Variants in NKIRAS1 observed in about 807,000 individuals in gnomAD.
NKIRAS1 encodes the protein NFKB inhibitor interacting Ras like 1.
In NKIRAS1, 16 loss-of-function variants were observed where a neutral mutation model predicts 19.8. The observed-to-expected ratio is 0.81, with a 90% CI of 0.55 to 1.23. The LOEUF is 1.23. Among genes scored for constraint, NKIRAS1 ranks in the 50% most tolerant of loss-of-function variants. The pLI is 0.00. For missense variants in NKIRAS1, 184 were observed against 220.0 expected, an observed-to-expected ratio of 0.84 and a Z score of 1.04; for synonymous variants, 88 against 79.0, an observed-to-expected ratio of 1.11 and a Z score of -0.61.
chr3:23,910,503 G>A (rs1412907551), intron 3 of NKIRAS1, among the ~76,000 whole-genome samples: 1 of 152,086 alleles, frequency 6.6e-6, no homozygotes, highest in Non-Finnish European at 1.5e-5. Context: ...GTAATGTAAT[G>A]AATTTACACC....
chr3:23,939,802 T>TC lies in NKIRAS1; in HGVS notation c.-140+6520dup, dbSNP rs1705460207. Among the ~76,000 whole-genome samples the TC allele has an allele frequency of 2.0e-5, 3 of 152,124 alleles. No homozygotes were observed. The South Asian group carries it at 6.2e-4, about 32-fold the overall frequency. On this transcript the variant is annotated intron_variant, in intron 1 of 4. Coordinates refer to the NKIRAS1 transcript ENST00000421515. ...AGGGAAACTGTAGAGTTGATATCAATCAAAGAGATAAGAGGATACAAACAA... is the reference window on the plus strand; with the variant it reads ...AGGGAAACTGTAGAGTTGATATCAATCCAAAGAGATAAGAGGATACAAACAA...
rs914899717 is a variant in NKIRAS1, at chr3:23,890,868, C to T, written c.*2227G>A. On this transcript the variant is annotated 3_prime_UTR_variant, in exon 5 of 5. Transcript: ENST00000425478. ...GTACAGAAAAGAATGTACATTTAGA[C>T]ATTTGGGTTCAGTTGCTTGTAGTCT... The T allele has an allele frequency of 3.4e-5, 10 of 293,642 alleles. No individual in the cohort carries two copies. Among genetic ancestry groups the T allele is most frequent in the Non-Finnish European group, 6.3e-5 (10 of 159,450 alleles). 18.2% of individuals were successfully genotyped at this position (293,642 alleles called of 1,614,324 possible).
intron 1 of NKIRAS1, among the ~76,000 whole-genome samples, chr3:23,940,264 G>A (rs891474171): frequency 2.6e-5 from 4 of 151,068 alleles, no homozygotes; most frequent in Non-Finnish European, 4.4e-5. Context: ...GGAGCATCTC[G>A]AGCCCATGAG....
chr3:23,929,610 TG>T (rs1348359286), intron 1 of NKIRAS1, among the ~76,000 whole-genome samples: 2 of 151,770 alleles, frequency 1.3e-5, no homozygotes, highest in Non-Finnish European at 2.9e-5. Flanking sequence ...TTGTTGTTGT[TG>T]TTTTTGTTTT....
chr3:23,933,988 G>A (rs1359804934), intron 1 of NKIRAS1, among the ~76,000 whole-genome samples: 1 of 152,138 alleles, frequency 6.6e-6, no homozygotes, highest in Non-Finnish European at 1.5e-5. Flanking sequence ...TGAGGGGTCT[G>A]CCCTCGTGAC....
At chr3:23,942,973 C>G (rs891670575) in intron 1 of NKIRAS1, among the ~76,000 whole-genome samples, 5 of 152,156 alleles carry the variant, frequency 3.3e-5, no homozygotes, top group Non-Finnish European at 5.9e-5. Context: ...GTCTCCGATT[C>G]TCCAATACCT....
intron 4 of NKIRAS1, among the ~76,000 whole-genome samples, chr3:23,898,836 A>T (rs892602963): frequency 6.6e-6 from 1 of 152,122 alleles, no homozygotes; most frequent in African/African-American, 2.4e-5. Flanking sequence ...ACACAACAGG[A>T]GGTGAGCAGG....
intron 1 of NKIRAS1, among the ~76,000 whole-genome samples, chr3:23,914,848 T>C (rs1241944852): frequency 2.0e-5 from 3 of 152,236 alleles, no homozygotes. Flanking sequence ...ATCCAACTTT[T>C]TAAATTTTAT....
intron 3 of NKIRAS1, among the ~76,000 whole-genome samples, chr3:23,909,143 A>G (rs990938560): frequency 1.3e-5 from 2 of 152,242 alleles, no homozygotes; most frequent in Non-Finnish European, 2.9e-5. Context: ...TATAATAAAC[A>G]CTAAATATGA....
upstream of NKIRAS1, chr3:23,917,006 C>T (rs534173440): frequency 1.3e-5 from 2 of 152,626 alleles, no homozygotes; most frequent in Non-Finnish European, 2.9e-5. Flanking sequence ...CCGCGGCGCC[C>T]CACTCGGCAG....
intron 1 of NKIRAS1, among the ~76,000 whole-genome samples, chr3:23,937,817 C>A (rs958716132): frequency 2.1e-4 from 32 of 152,130 alleles, no homozygotes; most frequent in African/African-American, 6.7e-4. Flanking sequence ...AGTATCTTGG[C>A]CAGATGGTTT....
intron 1 of NKIRAS1, among the ~76,000 whole-genome samples, chr3:23,940,683 T>A (rs998232828): frequency 2.0e-5 from 3 of 151,706 alleles, no homozygotes; most frequent in Non-Finnish European, 4.4e-5. Context: ...TTTTATTATT[T>A]CGTTATAACA....
chr3:23,890,674 GTC>G lies in NKIRAS1; in HGVS notation c.*2419_*2420del. 1.7e-6 allele frequency: 2 copies of G among 1,202,762 alleles called. No individual in the cohort carries two copies. The highest frequency in any genetic ancestry group is 1.4e-5 in the South Asian group (1 of 73,932). 74.5% of individuals were successfully genotyped at this position (1,202,762 alleles called of 1,614,324 possible). A position where few individuals can be genotyped will look rare whatever the true frequency, so the allele number is the denominator to read the frequency against. On this transcript the variant is annotated 3_prime_UTR_variant, in exon 5 of 5. Transcript: ENST00000425478. ...GAGAGCTGCTTATGATTTTGAAGGG[GTC>G]AGGGAGGGTGGGAGTTGGTAAAGAG...
upstream of NKIRAS1, chr3:23,920,151 T>A: frequency 2.0e-6 from 2 of 985,844 alleles, no homozygotes; most frequent in Non-Finnish European, 1.2e-6. Context: ...GGTGGGAAGC[T>A]GGTGAGCCAG....
intron 3 of NKIRAS1, among the ~76,000 whole-genome samples, chr3:23,904,239 C>T (rs978774867): frequency 2.0e-5 from 3 of 152,246 alleles, no homozygotes; most frequent in Non-Finnish European, 4.4e-5. Context: ...GCTTCTATAA[C>T]AAAATACCAC....
intron 1 of NKIRAS1, among the ~76,000 whole-genome samples, chr3:23,933,677 G>A (rs539861167): frequency 3.9e-5 from 6 of 152,032 alleles, no homozygotes; most frequent in African/African-American, 1.4e-4. Context: ...TTTTTTATAC[G>A]TGCATTCTCA....
Position 23,911,053 on chromosome 3 carries a change from A to G in NKIRAS1, c.-17-132T>C. 2 of 681,008 alleles carry G rather than the reference A, an allele frequency of 2.9e-6. 1 individual carries two copies. The highest frequency in any genetic ancestry group is 3.7e-5 in the South Asian group (2 of 54,314). 42.2% of individuals were successfully genotyped at this position (681,008 alleles called of 1,614,324 possible). On this transcript the variant is annotated intron_variant, in intron 2 of 4. Coordinates refer to ENST00000425478, the MANE Select transcript of NKIRAS1 (RefSeq NM_020345.4). ...TTCAAATACAGAAAAGGAGATATAG[A>G]ATAAGGTATAGCCTTCCAAACCCCA...
chr3:23,918,495 T>G, upstream of NKIRAS1: 3 of 1,613,848 alleles, frequency 1.9e-6, no homozygotes, highest in Non-Finnish European at 2.5e-6. Flanking sequence ...GCCCAGTTCC[T>G]AAGGGTGCAA....
rs1037249121 is a variant in NKIRAS1, at chr3:23,926,343, C to G, written c.-139-14893G>C. Among the ~76,000 whole-genome samples the G allele has an allele frequency of 1.3e-5, 2 of 152,236 alleles. No individual in the cohort carries two copies. The highest frequency in any genetic ancestry group is 3.4e-3 in the Middle Eastern group (1 of 294). On this transcript the variant is annotated intron_variant, in intron 1 of 4. Coordinates refer to the NKIRAS1 transcript ENST00000421515. This position sits in a 1 kb window ranked among gnomAD's most constrained non-coding sequence, Gnocchi z 4.3. ...CTGGGATTATAGGTATGAGCCATGG[C>G]GCCCGGCCATAGTACTGACTTAGAC...
Sources: gnomAD v4.1 joint callset for allele counts (sites outside exome capture counted in the v4.1 genomes callset) on GRCh38, gnomAD v4.1.1 for gene constraint, Gnocchi (gnomAD v3.1) non-coding constraint, MANE v1.5 for transcripts, NCBI Gene and HGNC (gene_info 2026-07-23, HGNC 2026-07-21) for gene names.